Variants in SLC24A2 observed in about 807,000 individuals in gnomAD.
SLC24A2 encodes the protein solute carrier family 24 member 2.
SLC24A2 carries 36 observed loss-of-function variants against 62.0 expected under a neutral mutation model. That is an observed-to-expected ratio of 0.58 (90% confidence interval 0.44 to 0.77). The LOEUF (loss-of-function observed/expected upper bound fraction) is 0.77, where lower values mean the gene tolerates loss of function less well. Ranked by LOEUF, SLC24A2 falls within the 30% of genes least tolerant of loss-of-function variation. The pLI is 0.00. For missense variants in SLC24A2, 846 were observed against 817.9 expected (o/e 1.03, Z -0.42); for synonymous variants, 358 against 294.0 (o/e 1.22, Z -2.23).
intron 4 of SLC24A2, among the ~76,000 whole-genome samples, chr9:19,619,265 G>A (rs1273193702): frequency 6.6e-6 from 1 of 152,182 alleles, no homozygotes; most frequent in Non-Finnish European, 1.5e-5. Flanking sequence ...TGACAAAAGA[G>A]AACTGTTACT....
the SLC24A2 span, among the ~76,000 whole-genome samples, chr9:19,963,051 A>G: frequency 6.6e-6 from 1 of 152,142 alleles, no homozygotes; most frequent in Admixed American, 6.6e-5. Flanking sequence ...CTAAGCCCTC[A>G]GAAATAACGC....
At chr9:20,042,119 T>A in the SLC24A2 span, among the ~76,000 whole-genome samples, 23 of 152,346 alleles carry the variant, frequency 1.5e-4, 1 homozygote, top group African/African-American at 4.8e-4. Context: ...GTGGGCAGAC[T>A]GTGGCAGGAA....
chr9:20,111,487 T>C, the SLC24A2 span, among the ~76,000 whole-genome samples: 1 of 152,200 alleles, frequency 6.6e-6, no homozygotes, highest in Non-Finnish European at 1.5e-5. Context: ...CCTTTATTAA[T>C]CTCTTCTCAA....
chr9:20,251,262 T>A, the SLC24A2 span, among the ~76,000 whole-genome samples: 9 of 152,152 alleles, frequency 5.9e-5, no homozygotes, highest in African/African-American at 2.2e-4. Flanking sequence ...CTCAGCAAGG[T>A]CCCCCAGGTT....
intron 2 of SLC24A2, among the ~76,000 whole-genome samples, chr9:19,740,506 A>G (rs924173077): frequency 6.6e-6 from 1 of 152,242 alleles, no homozygotes; most frequent in African/African-American, 2.4e-5. Context: ...CCACATATGC[A>G]AAGTTCACAA....
chr9:19,699,671 G>C (rs1176883615), intron 2 of SLC24A2, among the ~76,000 whole-genome samples: 1 of 152,062 alleles, frequency 6.6e-6, no homozygotes, highest in African/African-American at 2.4e-5. Flanking sequence ...CATAAACACT[G>C]GAAAGAAATG....
the SLC24A2 span, among the ~76,000 whole-genome samples, chr9:20,103,501 C>T: frequency 1.8e-4 from 28 of 152,322 alleles, no homozygotes; most frequent in African/African-American, 6.7e-4. Flanking sequence ...TCAGACAAAA[C>T]TTCCAGAGGA....
chr9:20,096,094 TCCGTCC>T, the SLC24A2 span, among the ~76,000 whole-genome samples: 1 of 125,960 alleles, frequency 7.9e-6, no homozygotes, highest in East Asian at 2.3e-4. Flanking sequence ...CATCCGTCCG[TCCGTCC>T]GTCCGTCCGT....
chr9:20,021,413 T>G, the SLC24A2 span, among the ~76,000 whole-genome samples: 1 of 152,028 alleles, frequency 6.6e-6, no homozygotes, highest in Middle Eastern at 3.4e-3. Context: ...GTATATAATC[T>G]AAGGCAGCTG....
chr9:19,572,869 G>T (rs909715955), intron 7 of SLC24A2, among the ~76,000 whole-genome samples: 3 of 152,134 alleles, frequency 2.0e-5, no homozygotes, highest in Admixed American at 1.3e-4. Flanking sequence ...AAGCCAAAGG[G>T]GGCTCACTGA....
chr9:19,981,301 T>C, the SLC24A2 span, among the ~76,000 whole-genome samples: 1 of 152,188 alleles, frequency 6.6e-6, no homozygotes, highest in East Asian at 1.9e-4. Flanking sequence ...TCAAGCATTG[T>C]TCTAGTCACT....
At chr9:20,291,497 G>A in the SLC24A2 span, among the ~76,000 whole-genome samples, 23 of 152,152 alleles carry the variant, frequency 1.5e-4, no homozygotes, top group South Asian at 3.7e-3. Context: ...CATCTCCCTC[G>A]GGCTCCACAC....
At chr9:19,688,908 A>G (rs1819963318) in intron 2 of SLC24A2, among the ~76,000 whole-genome samples, 4 of 152,116 alleles carry the variant, frequency 2.6e-5, no homozygotes, top group Admixed American at 2.6e-4. Context: ...GTTATTGAGT[A>G]CACAATATAT....
chr9:19,768,640 G>A (rs1042341661), intron 2 of SLC24A2, among the ~76,000 whole-genome samples: 8 of 152,196 alleles, frequency 5.3e-5, no homozygotes, highest in East Asian at 1.9e-4. Context: ...GACAGAGAGC[G>A]ACAGCACAAA....
chr9:19,764,957 G>C (rs561755792), intron 2 of SLC24A2, among the ~76,000 whole-genome samples: 4 of 152,258 alleles, frequency 2.6e-5, no homozygotes, highest in Admixed American at 6.5e-5. Context: ...CTAATAACTT[G>C]CTTTATGAAT....
the SLC24A2 span, among the ~76,000 whole-genome samples, chr9:19,954,777 G>T: frequency 2.6e-5 from 4 of 152,084 alleles, no homozygotes; most frequent in Non-Finnish European, 5.9e-5. Flanking sequence ...CTTCTGAGAG[G>T]TGCAGTGTTG....
At chr9:19,819,036 T>C in the SLC24A2 span, among the ~76,000 whole-genome samples, 2 of 151,402 alleles carry the variant, frequency 1.3e-5, no homozygotes, top group Non-Finnish European at 2.9e-5. Flanking sequence ...AATCCAGAAA[T>C]AAACCCAGAT....
the SLC24A2 span, among the ~76,000 whole-genome samples, chr9:20,043,581 C>T: frequency 6.6e-6 from 1 of 152,176 alleles, no homozygotes. Flanking sequence ...TTCCAGCCCT[C>T]ATAGATGACC....
chr9:19,591,546 TCA>T (rs1836553146), intron 5 of SLC24A2, among the ~76,000 whole-genome samples: 1 of 152,206 alleles, frequency 6.6e-6, no homozygotes, highest in Non-Finnish European at 1.5e-5. Flanking sequence ...GAGAGGGTCT[TCA>T]GGGAAAGCTC....
Sources: allele counts gnomAD v4.1 joint callset (sites outside exome capture counted in the v4.1 genomes callset), GRCh38; gene constraint gnomAD v4.1.1; transcripts MANE v1.5; gene names NCBI Gene and HGNC (gene_info 2026-07-23, HGNC 2026-07-21).